Variants in ZSCAN18 observed in about 807,000 individuals in gnomAD.
ZSCAN18 encodes the protein zinc finger and SCAN domain-containing protein 18.
A neutral mutation model predicts 31.1 loss-of-function variants in ZSCAN18; 16 were observed. That is an observed-to-expected ratio of 0.51 (90% CI 0.35 to 0.78). ZSCAN18 has a LOEUF of 0.78. Among genes scored for constraint, ZSCAN18 ranks in the 30% least tolerant of loss-of-function variants. The pLI, the probability that ZSCAN18 is intolerant of heterozygous loss-of-function variation, is 0.01. For missense variants in ZSCAN18, 731 were observed against 697.4 expected, an observed-to-expected ratio of 1.05 and a Z score of -0.54; for synonymous variants, 375 against 320.7, an observed-to-expected ratio of 1.17 and a Z score of -1.81.
intron 1 of ZSCAN18, among the ~76,000 whole-genome samples, chr19:58,113,405 G>A (rs993725263): frequency 1.3e-5 from 2 of 152,040 alleles, no homozygotes; most frequent in East Asian, 1.9e-4. Flanking sequence ...AATCAGATAC[G>A]CATTTGTGTC....
chr19:58,086,481 C>CA, intron 5 of ZSCAN18: 3 of 522,536 alleles, frequency 5.7e-6, no homozygotes, highest in Admixed American at 3.4e-5. Flanking sequence ...AGGCAGGACT[C>CA]AGAGAAAGCA....
rs377691382 is a variant in ZSCAN18 at position 58,085,122 on chromosome 19, T to C, written c.1096A>G (p.Lys366Glu). Residue 366 changes from lysine to glutamate, a missense_variant, in exon 7 of 7, where the codon AAA becomes GAA. Physicochemically the swap from Lys to Glu is moderately conservative, Grantham distance 56. Coordinates refer to ENST00000601144, the MANE Select transcript of ZSCAN18 (RefSeq NM_001145543.2). ...QQPAPDRGTA[K>E]LGTKRPHPED... ...GGGTGCGGCCTCTTGGTTCCCAGTT[T>C]CGCCGTGCCCCTGTCCGGGGCAGGC... The C allele has an allele frequency of 9.3e-6, 15 of 1,607,530 alleles. No individual in the cohort carries two copies. The African/African-American group carries it at 1.2e-4, about 13-fold the overall frequency.
chr19:58,118,143 A>C, intron 1 of ZSCAN18: 19 of 419,724 alleles, frequency 4.5e-5, no homozygotes, highest in Non-Finnish European at 5.9e-5. Context: ...CCCGCCGGGA[A>C]CCACAAGCCA....
intron 1 of ZSCAN18, chr19:58,108,366 C>A (rs1281189986): frequency 2.0e-6 from 2 of 985,360 alleles, no homozygotes; most frequent in African/African-American, 3.5e-5. Context: ...AGTATGACTT[C>A]TGAAATGCAA....
In ZSCAN18 at chr19:58,084,970, G is replaced by C. The variant is rs770981151; in HGVS notation, c.1248C>G (p.Gly416=). 1 of 1,599,300 alleles carries C rather than the reference G, an allele frequency of 6.3e-7. No individual in the cohort carries two copies. Residue 416 remains glycine (G), a synonymous_variant, in exon 7 of 7, where the codon GGC becomes GGG. Transcript: ENST00000601144. The surrounding 1 kb of genome is among the most constrained non-coding windows in gnomAD (Gnocchi z 4.5). ...GCCACGCGAAGGCCTCCCCGCACTCGCCGCAGGCATAGGGCTTCCCGCGGG... is the reference window on the plus strand; with the variant it reads ...GCCACGCGAAGGCCTCCCCGCACTCCCCGCAGGCATAGGGCTTCCCGCGGG... ...GLSRGKPYAC[G]ECGEAFAWLS...
rs942184600 is a variant in ZSCAN18, at chr19:58,090,539, T to C, written c.-119-153A>G. 7.9e-5 allele frequency: 49 copies of C among 621,134 alleles called. No homozygotes were observed. The highest frequency in any genetic ancestry group is 1.1e-4 in the Non-Finnish European group (43 of 381,286). The allele number at this position is 621,134 out of a possible 1,614,324, so 38.5% of individuals were successfully genotyped here. A position where few individuals can be genotyped will look rare whatever the true frequency, so the allele number is the denominator to read the frequency against. ...CAGTAGAACCTCAGTGTTGTACTCA[T>C]GTAGATAAAAAGTAGCATGTAAATG... On this transcript the variant is annotated intron_variant, in intron 1 of 6. Coordinates refer to ENST00000601144, the MANE Select transcript of ZSCAN18 (RefSeq NM_001145543.2). This position sits in a 1 kb window ranked among gnomAD's most constrained non-coding sequence, Gnocchi z 4.7.
chr19:58,092,635 C>A, intron 1 of ZSCAN18: 2 of 876,254 alleles, frequency 2.3e-6, no homozygotes, highest in Non-Finnish European at 2.7e-6. Flanking sequence ...CAACCTCTCT[C>A]TCTGTGGCTA....
chr19:58,105,931 A>G (rs1388743927), intron 1 of ZSCAN18, among the ~76,000 whole-genome samples: 1 of 152,116 alleles, frequency 6.6e-6, no homozygotes, highest in African/African-American at 2.4e-5. Context: ...GTGAGCTGAG[A>G]TCGCGCCACT....
In ZSCAN18 at chr19:58,090,455, A is replaced by G. The variant is rs2074388427; in HGVS notation, c.-119-69T>C. The G allele has an allele frequency of 2.9e-6, 4 of 1,381,020 alleles. No homozygotes were observed. The highest frequency in any genetic ancestry group is 3.9e-6 in the Non-Finnish European group (4 of 1,036,568). 85.5% of individuals were successfully genotyped at this position (1,381,020 alleles called of 1,614,324 possible). A position where few individuals can be genotyped will look rare whatever the true frequency, so the allele number is the denominator to read the frequency against. On this transcript the variant is annotated intron_variant, in intron 1 of 6. Transcript: ENST00000601144. The surrounding 1 kb of genome is among the most constrained non-coding windows in gnomAD (Gnocchi z 4.7). ...GGCGCAGCCACCCCAGCTGCCAGAG[A>G]ACAAAGACACCACACCCAGAGTTCA...
Position 58,085,128 on chromosome 19 carries a change from T to C in ZSCAN18, c.1090A>G (p.Thr364Ala). The change falls in exon 7 of 7, where the codon ACG becomes GCG. Residue 364 changes from threonine (T) to alanine (A), a missense_variant. By Grantham distance (58) the Thr-to-Ala change is moderately conservative (BLOSUM62 0). Transcript: ENST00000601144. ...GGCCTCTTGGTTCCCAGTTTCGCCG[T>C]GCCCCTGTCCGGGGCAGGCTGCTGG... ...VIQQPAPDRG[T>A]AKLGTKRPHP... 1 of 1,608,686 alleles carries C rather than the reference T, an allele frequency of 6.2e-7. No homozygotes were observed. The highest frequency in any genetic ancestry group is 8.5e-7 in the Non-Finnish European group (1 of 1,177,828).
chr19:58,114,906 T>A (rs1205245635), intron 1 of ZSCAN18, among the ~76,000 whole-genome samples: 4 of 152,216 alleles, frequency 2.6e-5, no homozygotes, highest in Non-Finnish European at 5.9e-5. Flanking sequence ...GGTGAACTTA[T>A]AACAGGTTTC....
chr19:58,108,166 T>C (rs2074651429), intron 1 of ZSCAN18: 3 of 986,404 alleles, frequency 3.0e-6, no homozygotes, highest in South Asian at 4.7e-5. Context: ...TCACACTCCA[T>C]ACACATATAG....
At chr19:58,087,502 G>A (rs1481932434) in intron 3 of ZSCAN18, 98 bp from the exon 4 acceptor site, 2 of 1,026,980 alleles carry the variant, frequency 1.9e-6, no homozygotes, top group Non-Finnish European at 1.4e-6. Flanking sequence ...ACAGGCCCCA[G>A]TGTGCTTCTG....
intron 1 of ZSCAN18, among the ~76,000 whole-genome samples, chr19:58,104,391 ACAAAACAAAAC>A (rs527566777): frequency 0.017 from 2,386 of 138,322 alleles, 76 homozygotes; most frequent in African/African-American, 0.074. Context: ...ACAAAACAAA[ACAAAACAAAAC>A]AAAAAAAAAG....
intron 1 of ZSCAN18, among the ~76,000 whole-genome samples, chr19:58,096,950 T>G (rs1568638151): frequency 6.6e-6 from 1 of 152,162 alleles, no homozygotes; most frequent in Non-Finnish European, 1.5e-5. Flanking sequence ...GCAACTGGCC[T>G]AGGCTCCCCG....
In ZSCAN18 at chr19:58,095,180, C is replaced by T. The variant is rs73577080; in HGVS notation, c.-120+2994G>A. Among the ~76,000 whole-genome samples, 1,098 of 152,302 alleles carry T rather than the reference C, an allele frequency of 7.2e-3. 17 individuals carry two copies. The highest frequency in any genetic ancestry group is 0.023 in the African/African-American group (968 of 41,556). ...ACCCCCTGGCAATGGAGGCACAGAG[C>T]TCTACTTGGTGCATGGACAGAGGTG... On this transcript the variant is annotated intron_variant, in intron 1 of 6. Coordinates refer to ENST00000601144, the MANE Select transcript of ZSCAN18 (RefSeq NM_001145543.2).
At chr19:58,091,344 C>T (rs946298294) in intron 1 of ZSCAN18, among the ~76,000 whole-genome samples, 21 of 151,802 alleles carry the variant, frequency 1.4e-4, no homozygotes, top group African/African-American at 4.1e-4. Context: ...AAGACTGTTC[C>T]TCCAGTTAAA....
Position 58,090,795 on chromosome 19 carries a change from G to C in ZSCAN18, c.-119-409C>G, listed in dbSNP as rs1436132536. ...AGTGGAGATGGGGTTTCACCATGTT[G>C]GCCAGGCTGGTCTCAAACTCCTGAC... On this transcript the variant is annotated intron_variant, in intron 1 of 6. Coordinates refer to ENST00000601144, the MANE Select transcript of ZSCAN18 (RefSeq NM_001145543.2). This position sits in a 1 kb window ranked among gnomAD's most constrained non-coding sequence, Gnocchi z 4.7. 6.6e-6 allele frequency among the ~76,000 whole-genome samples: 1 copy of C among 151,564 alleles called. No homozygotes were observed. Among genetic ancestry groups the C allele is most frequent in the African/African-American group, 2.4e-5 (1 of 41,272 alleles).
Position 58,090,023 on chromosome 19 carries a change from G to A in ZSCAN18, c.245C>T (p.Ala82Val), listed in dbSNP as rs770162820. The A allele has an allele frequency of 1.8e-5, 29 of 1,613,854 alleles. No individual in the cohort carries two copies. The highest frequency in any genetic ancestry group is 1.5e-4 in the South Asian group (14 of 91,092). Residue 82 changes from alanine (A) to valine (V), a missense_variant, in exon 2 of 7, where the codon GCG becomes GTG. Coordinates refer to ENST00000601144, the MANE Select transcript of ZSCAN18 (RefSeq NM_001145543.2). The surrounding 1 kb of genome is among the most constrained non-coding windows in gnomAD (Gnocchi z 4.7). ...CTCCAGCATCTGCTCCTTGGAGCGC[G>A]CCTCAGGCATCAGCCACTGGCGGCA... Reference protein sequence around the residue: ...ELCRQWLMPEARSKEQMLELL... With the variant: ...ELCRQWLMPEVRSKEQMLELL...
Sources: allele counts gnomAD v4.1 joint callset (sites outside exome capture counted in the v4.1 genomes callset), GRCh38; gene constraint gnomAD v4.1.1; non-coding constraint Gnocchi (gnomAD v3.1); transcripts MANE v1.5; gene names NCBI Gene and HGNC (gene_info 2026-07-23, HGNC 2026-07-21).